The following CRACR2A variants were observed in gnomAD, a reference collection of about 807,000 sequenced individuals.
CRACR2A encodes the protein calcium release activated channel regulator 2A.
Under a neutral mutation model 90.5 loss-of-function variants are expected in CRACR2A, and 79 were observed. The ratio of observed to expected loss-of-function variants is 0.87; its 90% CI spans 0.73 to 1.05. CRACR2A has a LOEUF of 1.05. Ranked by LOEUF, CRACR2A falls within the 50% of genes least tolerant of loss-of-function variation. CRACR2A has a pLI of 0.00. For synonymous variants in CRACR2A, 338 were observed against 356.7 expected (o/e 0.95, Z 0.59); for missense variants, 823 against 897.2 (o/e 0.92, Z 1.06).
chr12:3,660,034 G>C (rs1390945553), intron 7 of CRACR2A, among the ~76,000 whole-genome samples: 1 of 152,196 alleles, frequency 6.6e-6, no homozygotes, highest in Non-Finnish European at 1.5e-5. Flanking sequence ...TGTTCCCGCT[G>C]ATCTCCACGC....
chr12:3,680,181 T>C, intron 5 of CRACR2A, 57 bp downstream of exon 5: 1 of 1,422,320 alleles, frequency 7.0e-7, no homozygotes, highest in Non-Finnish European at 9.9e-7. Flanking sequence ...GAATGCACCT[T>C]ATACAGTGTT....
At chr12:3,698,281 A>G in intron 3 of CRACR2A, among the ~76,000 whole-genome samples, 1 of 152,196 alleles carries the variant, frequency 6.6e-6, no homozygotes, top group East Asian at 1.9e-4. Flanking sequence ...ACTGTCATGC[A>G]TTTTGTGGCG....
intron 17 of CRACR2A, among the ~76,000 whole-genome samples, chr12:3,623,172 C>T (rs1025014219): frequency 4.6e-5 from 7 of 152,222 alleles, no homozygotes; most frequent in South Asian, 2.1e-4. Context: ...GCTTCTAGAT[C>T]GGGTGGTGCT....
At chr12:3,743,592 A>G (rs1005076058) in intron 1 of CRACR2A, among the ~76,000 whole-genome samples, 1 of 152,196 alleles carries the variant, frequency 6.6e-6, no homozygotes, top group African/African-American at 2.4e-5. Flanking sequence ...TCTGGTGTGA[A>G]CCCACACAAG....
intron 2 of CRACR2A, among the ~76,000 whole-genome samples, chr12:3,725,183 C>T (rs1184414884): frequency 2.6e-5 from 4 of 152,120 alleles, no homozygotes; most frequent in African/African-American, 7.2e-5. Context: ...CTCCTCCACC[C>T]GTTAGGCAGG....
At chr12:3,741,308 G>A (rs555941831) in intron 1 of CRACR2A, among the ~76,000 whole-genome samples, 3 of 152,192 alleles carry the variant, frequency 2.0e-5, no homozygotes, top group Admixed American at 6.5e-5. Flanking sequence ...ATGGGGCACC[G>A]GCTGAGCCTC....
chr12:3,653,908 A>G (rs932844047), intron 10 of CRACR2A, among the ~76,000 whole-genome samples: 4 of 152,230 alleles, frequency 2.6e-5, no homozygotes, highest in African/African-American at 9.6e-5. Context: ...ATAAAGTAAC[A>G]TATGAGTACA....
chr12:3,678,760 G>GGCCCC (rs1160848), intron 6 of CRACR2A, among the ~76,000 whole-genome samples, 155 bp downstream of exon 6: 19,389 of 152,130 alleles, frequency 0.13, 1,544 homozygotes, highest in Middle Eastern at 0.19. Context: ...ACAAAGGACA[G>GGCCCC]GCCCCCACTG....
chr12:3,621,673 A>C (rs1381625418), intron 17 of CRACR2A, among the ~76,000 whole-genome samples: 2 of 145,962 alleles, frequency 1.4e-5, no homozygotes, highest in Non-Finnish European at 3.0e-5. Context: ...AAAAAAAAAA[A>C]AAAAAAAACC....
Position 3,683,111 on chromosome 12 carries a change from C to CAGGG in CRACR2A, c.229-2766_229-2763dup, listed in dbSNP as rs554929805. ...TACATTTTTAACTAAGTGAGATAAG[C>CAGGG]AGGGTGGAGGGGAGCAAGATTATTT... On this transcript the variant is annotated intron_variant, in intron 4 of 19. Transcript: ENST00000440314. Among the ~76,000 whole-genome samples the CAGGG allele has an allele frequency of 1.0e-3, 156 of 152,256 alleles. 1 individual carries two copies. The highest frequency in any genetic ancestry group is 3.6e-3 in the African/African-American group (151 of 41,544).
chr12:3,656,168 T>C (rs993771517), intron 9 of CRACR2A, 143 bp downstream of exon 9: 27 of 700,660 alleles, frequency 3.9e-5, no homozygotes, highest in Non-Finnish European at 6.0e-5. Context: ...TGATTTTAAA[T>C]GCTATCTTTT....
In CRACR2A at chr12:3,672,940, G is replaced by A. The variant is rs117183138; in HGVS notation, c.671+506C>T. 1,201 of 284,360 alleles carry A rather than the reference G, an allele frequency of 4.2e-3. 4 individuals are homozygous for A. Among genetic ancestry groups the A allele is most frequent in the Non-Finnish European group, 5.8e-3 (1,096 of 188,968 alleles). 17.6% of individuals were successfully genotyped at this position (284,360 alleles called of 1,614,324 possible). On this transcript the variant is annotated intron_variant, in intron 7 of 19. Transcript: ENST00000440314. ...GGCTATAGGTCACCTTACCAAACAC[G>A]CCACCTCTGCAAAGTGGGCTGATCT...
At position 3,634,290 on chromosome 12, in the gene CRACR2A, T is replaced by A. The variant is rs528986231; in HGVS notation, c.1603-554A>T. On this transcript the variant is annotated intron_variant, in intron 14 of 19. Transcript: ENST00000440314. ...TCGGAAGCCTGGACTAAATGGAGGA[T>A]GCTTTTGCCTCCCTCTCCGTCCATC... Among the ~76,000 whole-genome samples the A allele has an allele frequency of 4.6e-5, 7 of 152,326 alleles. No homozygotes were observed. The East Asian group carries it at 1.4e-3, about 29-fold the overall frequency.
chr12:3,631,123 G>C (rs1944368799), intron 15 of CRACR2A, among the ~76,000 whole-genome samples: 1 of 152,194 alleles, frequency 6.6e-6, no homozygotes, highest in Admixed American at 6.5e-5. Flanking sequence ...ATGTGTCCCA[G>C]AGCAGGGCCT....
intron 3 of CRACR2A, among the ~76,000 whole-genome samples, chr12:3,701,444 G>C (rs1945832198): frequency 6.6e-6 from 1 of 152,082 alleles, no homozygotes; most frequent in Non-Finnish European, 1.5e-5. Flanking sequence ...GATTAATAAA[G>C]AGACAAGACA....
chr12:3,654,416 A>T lies in CRACR2A; in HGVS notation c.859-17T>A. The T allele has an allele frequency of 6.4e-7, 1 of 1,573,438 alleles. No homozygotes were observed. The highest frequency in any genetic ancestry group is 8.6e-7 in the Non-Finnish European group (1 of 1,161,940). The stretch of plus-strand genomic sequence containing the variant: ...ACCTTCCAGCTGCAAAGGAATGGGG[A>T]GCAGAGGGGAATGAGGAGTGACCAC... On this transcript the variant is annotated splice_polypyrimidine_tract_variant and intron_variant, in intron 9 of 19. Coordinates refer to ENST00000440314, the MANE Select transcript of CRACR2A (RefSeq NM_001144958.2).
At chr12:3,714,750 T>C (rs1156976948) in intron 2 of CRACR2A, among the ~76,000 whole-genome samples, 3 of 152,230 alleles carry the variant, frequency 2.0e-5, no homozygotes, top group Non-Finnish European at 4.4e-5. Context: ...TACATTAAAT[T>C]AATAAGAAAT....
intron 17 of CRACR2A, among the ~76,000 whole-genome samples, chr12:3,619,657 G>A (rs1419324506): frequency 6.6e-6 from 1 of 152,202 alleles, no homozygotes; most frequent in Non-Finnish European, 1.5e-5. Context: ...GATCTTAGAT[G>A]GAACAGCAGG....
At chr12:3,714,332 T>G (rs1279501188) in intron 2 of CRACR2A, among the ~76,000 whole-genome samples, 2 of 152,228 alleles carry the variant, frequency 1.3e-5, no homozygotes, top group Non-Finnish European at 2.9e-5. Flanking sequence ...AAATAAGCAC[T>G]TTTAGATAAT....
Sources: allele counts gnomAD v4.1 joint callset (sites outside exome capture counted in the v4.1 genomes callset), GRCh38; gene constraint gnomAD v4.1.1; transcripts MANE v1.5; gene names NCBI Gene and HGNC (gene_info 2026-07-23, HGNC 2026-07-21).